Variants in STXBP5L observed in about 807,000 individuals in gnomAD.
STXBP5L encodes syntaxin-binding protein 5-like.
Under a neutral mutation model 144.5 loss-of-function variants are expected in STXBP5L, and 65 were observed. The observed-to-expected ratio is 0.45, with a 90% CI of 0.37 to 0.55. STXBP5L has a LOEUF of 0.55. STXBP5L is among the 20% of genes least tolerant of loss of function. The pLI, the probability that STXBP5L is intolerant of heterozygous loss-of-function variation, is 0.00. For missense variants in STXBP5L, 1,298 were observed against 1,405.5 expected (o/e 0.92, Z 1.22); for synonymous variants, 505 against 469.6 (o/e 1.08, Z -0.97).
chr3:121,084,648 A>T (rs762290165), intron 5 of STXBP5L, among the ~76,000 whole-genome samples: 7 of 152,244 alleles, frequency 4.6e-5, no homozygotes, highest in African/African-American at 1.7e-4. Context: ...TACTCTTATG[A>T]ATAGTGCTGC....
chr3:121,255,629 T>C (rs535785553), intron 16 of STXBP5L, among the ~76,000 whole-genome samples: 1 of 152,048 alleles, frequency 6.6e-6, no homozygotes, highest in Non-Finnish European at 1.5e-5. Flanking sequence ...TTTAAGTTTA[T>C]CTGATTTGTA....
At chr3:121,253,524 A>G (rs1374947218) in intron 15 of STXBP5L, among the ~76,000 whole-genome samples, 1 of 151,462 alleles carries the variant, frequency 6.6e-6, no homozygotes, top group Non-Finnish European at 1.5e-5. Flanking sequence ...CCAGTAGATT[A>G]ACACTGACAC....
chr3:121,332,887 T>C lies in STXBP5L; in HGVS notation c.2176+14347T>C, dbSNP rs1326737375. 3.3e-5 allele frequency among the ~76,000 whole-genome samples: 5 copies of C among 152,006 alleles called. No homozygotes were observed. In the South Asian group the frequency reaches 1.0e-3, roughly 32 times the overall value. The stretch of plus-strand genomic sequence containing the variant: ...TGAAAAAAAAAAGCATCAGGTAACC[T>C]ATACAGGAAAACCAGAAGGGATTCA... On this transcript the variant is annotated intron_variant, in intron 20 of 26. Coordinates refer to ENST00000471454, the MANE Select transcript of STXBP5L (RefSeq NM_001308330.2).
At position 121,333,425 on chromosome 3, in the gene STXBP5L, A is replaced by G. The variant is rs540247547; in HGVS notation, c.2176+14885A>G. Among the ~76,000 whole-genome samples the G allele has an allele frequency of 2.0e-5, 3 of 152,262 alleles. No individual in the cohort carries two copies. In the South Asian group the frequency reaches 6.2e-4, roughly 32 times the overall value. ...CTAAATACCCACATCAAAAAGTTGG[A>G]AAGATCTCTAATTAACAACCTAATG... On this transcript the variant is annotated intron_variant, in intron 20 of 26. Coordinates refer to ENST00000471454, the MANE Select transcript of STXBP5L (RefSeq NM_001308330.2).
At chr3:121,136,827 C>T (rs2045278467) in intron 7 of STXBP5L, among the ~76,000 whole-genome samples, 3 of 152,174 alleles carry the variant, frequency 2.0e-5, no homozygotes, top group Admixed American at 6.5e-5. Flanking sequence ...TGGAATCAAC[C>T]TAAGTGCCCA....
chr3:121,115,996 C>A (rs529845458), intron 6 of STXBP5L, among the ~76,000 whole-genome samples: 1 of 152,230 alleles, frequency 6.6e-6, no homozygotes, highest in East Asian at 1.9e-4. Flanking sequence ...TTCCCATGAT[C>A]CAAATACCTC....
intron 14 of STXBP5L, among the ~76,000 whole-genome samples, chr3:121,249,560 T>C (rs1199749420): frequency 6.6e-6 from 1 of 152,190 alleles, no homozygotes; most frequent in African/African-American, 2.4e-5. Flanking sequence ...ACAATTTTGC[T>C]AATCATTTAT....
chr3:121,086,361 G>A (rs2042493402), intron 5 of STXBP5L, among the ~76,000 whole-genome samples: 1 of 152,042 alleles, frequency 6.6e-6, no homozygotes, highest in Non-Finnish European at 1.5e-5. Context: ...GGTCAATGAT[G>A]GACTACATAT....
At chr3:121,000,127 T>C (rs967117957) in intron 3 of STXBP5L, among the ~76,000 whole-genome samples, 4 of 152,170 alleles carry the variant, frequency 2.6e-5, no homozygotes, top group African/African-American at 9.7e-5. Context: ...AGGGGTTCTC[T>C]GAATTTCCTG....
chr3:121,151,312 AT>A (rs548523490), intron 7 of STXBP5L, among the ~76,000 whole-genome samples: 1 of 152,128 alleles, frequency 6.6e-6, no homozygotes, highest in Non-Finnish European at 1.5e-5. Flanking sequence ...AAAAAGCTCA[AT>A]TTTTTGTCAT....
intron 20 of STXBP5L, among the ~76,000 whole-genome samples, chr3:121,343,239 A>T (rs2108588693): frequency 6.6e-6 from 1 of 152,038 alleles, no homozygotes; most frequent in African/African-American, 2.4e-5. Context: ...GATTCTGGAT[A>T]TTAGCCCTTT....
rs113136260 is a variant in STXBP5L, at chr3:121,306,138, C to T, written c.2111-12337C>T. 4.2e-3 allele frequency among the ~76,000 whole-genome samples: 642 copies of T among 152,188 alleles called. 4 individuals are homozygous for T. Among genetic ancestry groups the T allele is most frequent in the Middle Eastern group, 0.038 (11 of 292 alleles). On this transcript the variant is annotated intron_variant, in intron 19 of 26. Coordinates refer to ENST00000471454, the MANE Select transcript of STXBP5L (RefSeq NM_001308330.2). ...ACCATGTAAAGTCTCCAGAAATTGT[C>T]GTAAGGGCATATAGCAAATGAAGAC... is the stretch of plus-strand genomic sequence containing the variant.
At chr3:121,139,438 A>G (rs1185775857) in intron 7 of STXBP5L, among the ~76,000 whole-genome samples, 1 of 152,084 alleles carries the variant, frequency 6.6e-6, no homozygotes, top group African/African-American at 2.4e-5. Flanking sequence ...ACCATTACAC[A>G]TGAAACAATT....
At chr3:121,132,477 A>G (rs1019717629) in intron 7 of STXBP5L, among the ~76,000 whole-genome samples, 43 of 152,302 alleles carry the variant, frequency 2.8e-4, no homozygotes, top group African/African-American at 1.0e-3. Context: ...TGGGAAAGGA[A>G]AGAGTAGATA....
chr3:121,043,753 GAATT>G (rs1336719373), intron 4 of STXBP5L, among the ~76,000 whole-genome samples: 2 of 151,970 alleles, frequency 1.3e-5, no homozygotes, highest in East Asian at 3.9e-4. Context: ...TTCCTCACTA[GAATT>G]ATTTAGGTAT....
At chr3:121,310,321 C>T (rs2043481188) in intron 19 of STXBP5L, among the ~76,000 whole-genome samples, 1 of 152,192 alleles carries the variant, frequency 6.6e-6, no homozygotes, top group African/African-American at 2.4e-5. Flanking sequence ...ATTAAGAGGC[C>T]AGGCATGGGC....
chr3:121,235,206 A>T (rs888153881), intron 12 of STXBP5L, among the ~76,000 whole-genome samples: 5 of 152,056 alleles, frequency 3.3e-5, no homozygotes, highest in Non-Finnish European at 5.9e-5. Flanking sequence ...TGGTTATTAC[A>T]TGAAATTTAA....
intron 22 of STXBP5L, 101 bp from the exon 23 acceptor site, chr3:121,407,142 A>G (rs2047010118): frequency 2.9e-6 from 4 of 1,384,714 alleles, no homozygotes; most frequent in Non-Finnish European, 3.9e-6. Context: ...GGGCAATATT[A>G]TGACTCTATA....
intron 20 of STXBP5L, among the ~76,000 whole-genome samples, chr3:121,340,317 G>A (rs1445238955): frequency 2.0e-5 from 3 of 151,934 alleles, no homozygotes; most frequent in East Asian, 1.9e-4. Context: ...TTTCAAGGTA[G>A]TAATGTCTTT....
Sources: gnomAD v4.1 joint callset for allele counts (sites outside exome capture counted in the v4.1 genomes callset) on GRCh38, gnomAD v4.1.1 for gene constraint, MANE v1.5 for transcripts, NCBI Gene and HGNC (gene_info 2026-07-23, HGNC 2026-07-21) for gene names.